The following DNAH6 variants were observed in gnomAD, a reference collection of about 807,000 sequenced individuals.
DNAH6 encodes dynein axonemal heavy chain 6.
DNAH6 carries 340 observed loss-of-function variants against 491.4 expected under a neutral mutation model. The observed-to-expected ratio is 0.69, with a 90% CI of 0.63 to 0.76. The LOEUF (loss-of-function observed/expected upper bound fraction) is 0.76. Among genes scored for constraint, DNAH6 ranks in the 30% least tolerant of loss-of-function variants. The pLI, the probability that DNAH6 is intolerant of heterozygous loss-of-function variation, is 0.00. For synonymous variants in DNAH6, 1,603 were observed against 1,686.1 expected, an observed-to-expected ratio of 0.95 and a Z score of 1.21; for missense variants, 4,443 against 4,972.2, an observed-to-expected ratio of 0.89 and a Z score of 3.20.
chr2:84,518,027 G>A lies in DNAH6; in HGVS notation c.201G>A (p.Gln67=), dbSNP rs74441077. 1.3e-6 allele frequency: 2 copies of A among 1,549,000 alleles called. No homozygotes were observed. The highest frequency in any genetic ancestry group is 2.7e-5 in the African/African-American group (2 of 72,734). Residue 67 remains glutamine (Q), a synonymous_variant, in exon 2 of 77, where the codon CAG becomes CAA. Coordinates refer to ENST00000389394, the MANE Select transcript of DNAH6 (RefSeq NM_001370.2). ...TKAQEKTRKR[Q]QPIKLEPLPV... ...CTCAGGAGAAGACAAGAAAACGACA[G>A]CAGCCTATAAAACTAGAGCCTTTGG...
chr2:84,706,298 A>G (rs369066966), intron 52 of DNAH6, among the ~76,000 whole-genome samples: 3 of 152,264 alleles, frequency 2.0e-5, no homozygotes, highest in Admixed American at 6.5e-5. Context: ...CTGCTGTTGC[A>G]GCACAGAAAC....
chr2:84,553,387 TTCTTTC>T, intron 10 of DNAH6, among the ~76,000 whole-genome samples: 1 of 137,598 alleles, frequency 7.3e-6, no homozygotes, highest in South Asian at 2.5e-4. Flanking sequence ...CTTTCTTTCT[TTCTTTC>T]TTTCTTTCTT....
At chr2:84,654,071 G>A (rs1353443058) in intron 34 of DNAH6, among the ~76,000 whole-genome samples, 197 bp downstream of exon 34, 2 of 151,726 alleles carry the variant, frequency 1.3e-5, no homozygotes, top group East Asian at 3.9e-4. Context: ...TAAATAGGAA[G>A]TACAATAAAC....
chr2:84,643,545 T>C (rs1030794778), intron 33 of DNAH6, among the ~76,000 whole-genome samples: 2 of 152,122 alleles, frequency 1.3e-5, no homozygotes, highest in Admixed American at 6.5e-5. Context: ...TTCTTGGGTA[T>C]TATGTTGCTT....
At position 84,637,343 on chromosome 2, in the gene DNAH6, C is replaced by T. The variant is rs1409277123; in HGVS notation, c.4787C>T (p.Ala1596Val). 3 of 1,548,206 alleles carry T rather than the reference C, an allele frequency of 1.9e-6. No homozygotes were observed. Among genetic ancestry groups the T allele is most frequent in the South Asian group, 1.2e-5 (1 of 83,178 alleles). Residue 1596 changes from alanine (A) to valine (V), a missense_variant, in exon 31 of 77, where the codon GCG becomes GTG. Physicochemically the swap from Ala to Val is moderately conservative, Grantham distance 64. Around this residue, in one of 3 missense-constraint regions of DNAH6, gnomAD observed 2,977 missense variants for 3,296.6 expected, o/e 0.90. Transcript: ENST00000389394. ...TTGAAAGCCCTGTTTAGACCATTTG[C>T]GATGATGGTTCCAAATTATGCCTTG... ...DNLKALFRPF[A>V]MMVPNYALIA... is the part of the protein sequence containing the mutation.
chr2:84,507,499 A>G, the DNAH6 span, among the ~76,000 whole-genome samples: 1 of 152,208 alleles, frequency 6.6e-6, no homozygotes, highest in South Asian at 2.1e-4. Flanking sequence ...ATATACAGTC[A>G]TGTCATCTGC....
chr2:84,519,567 C>G (rs1163766705), intron 2 of DNAH6, among the ~76,000 whole-genome samples: 1 of 151,602 alleles, frequency 6.6e-6, no homozygotes. Flanking sequence ...ACTTCCCTCC[C>G]CTCAACTGCC....
At chr2:84,684,733 T>G (rs527819330) in intron 42 of DNAH6, among the ~76,000 whole-genome samples, 40 of 152,346 alleles carry the variant, frequency 2.6e-4, no homozygotes, top group African/African-American at 9.4e-4. Context: ...TGGTGGTCCC[T>G]GTGGAGAAGT....
Position 84,699,605 on chromosome 2 carries a change from C to T in DNAH6, c.7689C>T (p.Tyr2563=), listed in dbSNP as rs184604697. Residue 2563 remains tyrosine (Y), a synonymous_variant, in exon 48 of 77, where the codon TAC becomes TAT. Coordinates refer to ENST00000389394, the MANE Select transcript of DNAH6 (RefSeq NM_001370.2). ...TTTCTTTTTGTCAGGTGTTTCAATACTTTATCAGCAAAGTGCGTCAGAAGC... is the reference window on the plus strand; with the variant it reads ...TTTCTTTTTGTCAGGTGTTTCAATATTTTATCAGCAAAGTGCGTCAGAAGC... The part of the protein sequence containing the change: ...SEGNRDEVFQ[Y]FISKVRQKLH... 1.9e-6 allele frequency: 3 copies of T among 1,549,156 alleles called. No individual in the cohort carries two copies. In the South Asian group the frequency reaches 3.6e-5, roughly 19 times the overall value.
At chr2:84,467,768 A>G in the DNAH6 span, among the ~76,000 whole-genome samples, 1 of 152,246 alleles carries the variant, frequency 6.6e-6, no homozygotes, top group East Asian at 1.9e-4. Context: ...CCTTTCTTAT[A>G]TAAAATCTCT....
the DNAH6 span, among the ~76,000 whole-genome samples, chr2:84,466,819 C>A: frequency 6.6e-6 from 1 of 152,164 alleles, no homozygotes; most frequent in Non-Finnish European, 1.5e-5. Context: ...CTTAGGATAG[C>A]CACAGTTAAA....
chr2:84,539,601 C>T (rs192735077), intron 4 of DNAH6, among the ~76,000 whole-genome samples: 31 of 152,136 alleles, frequency 2.0e-4, no homozygotes, highest in Non-Finnish European at 3.7e-4. Context: ...ATTTCTCAAG[C>T]CCTAAAAGAC....
intron 58 of DNAH6, 136 bp from the exon 59 acceptor site, chr2:84,718,068 C>A: frequency 1.6e-6 from 1 of 634,974 alleles, no homozygotes; most frequent in South Asian, 3.1e-5. Context: ...GGTGTGCATT[C>A]AGATATGGCC....
chr2:84,472,694 A>G, the DNAH6 span, among the ~76,000 whole-genome samples: 7 of 152,216 alleles, frequency 4.6e-5, no homozygotes, highest in African/African-American at 1.7e-4. Context: ...AAGATGGGTT[A>G]AAGAATGAAA....
At chr2:84,686,120 G>A (rs1171357822) in intron 43 of DNAH6, among the ~76,000 whole-genome samples, 6 of 151,924 alleles carry the variant, frequency 3.9e-5, no homozygotes, top group South Asian at 2.1e-4. Context: ...CCCAGGAGGC[G>A]GAGGTTGCGG....
chr2:84,792,341 TTTAAA>T (rs750835625), intron 68 of DNAH6, among the ~76,000 whole-genome samples: 11 of 152,238 alleles, frequency 7.2e-5, no homozygotes, highest in Non-Finnish European at 1.3e-4. Context: ...TATTTTGTAC[TTTAAA>T]TTAATTTATC....
At chr2:84,762,635 C>T in intron 63 of DNAH6, 120 bp from the exon 64 acceptor site, 1 of 671,718 alleles carries the variant, frequency 1.5e-6, no homozygotes, top group South Asian at 2.0e-5. Flanking sequence ...TATACCCAAT[C>T]AAGACAGAAT....
chr2:84,676,897 A>C, intron 40 of DNAH6, 108 bp from the exon 41 acceptor site: 2 of 1,186,262 alleles, frequency 1.7e-6, no homozygotes, highest in Non-Finnish European at 2.3e-6. Flanking sequence ...TAACATGCAC[A>C]AAAAAAAATG....
chr2:84,637,182 T>C (rs1024692007), intron 30 of DNAH6, 28 bp from the exon 31 acceptor site: 1 of 1,506,570 alleles, frequency 6.6e-7, no homozygotes. Context: ...TCTGGAAGAG[T>C]GTTAACTTAT....
Sources: gnomAD v4.1 joint callset for allele counts (sites outside exome capture counted in the v4.1 genomes callset) on GRCh38, gnomAD v4.1.1 for gene constraint, gnomAD v4.1.1 regional missense constraint, MANE v1.5 for transcripts, NCBI Gene and HGNC (gene_info 2026-07-23, HGNC 2026-07-21) for gene names.